The following MAGI2 variants were observed in gnomAD, a reference collection of about 807,000 sequenced individuals.
The protein encoded by MAGI2 is membrane-associated guanylate kinase, WW and PDZ domain-containing protein 2.
A neutral mutation model predicts 133.3 loss-of-function variants in MAGI2; 35 were observed. The ratio of observed to expected loss-of-function variants is 0.26; its 90% CI spans 0.20 to 0.35. The LOEUF (loss-of-function observed/expected upper bound fraction) is 0.35, where lower values mean the gene tolerates loss of function less well. Ranked by LOEUF, MAGI2 falls within the 10% of genes least tolerant of loss-of-function variation. The pLI is 1.00. For missense variants in MAGI2, 1,636 were observed against 1,863.4 expected (o/e 0.88, Z 2.25); for synonymous variants, 729 against 710.6 (o/e 1.03, Z -0.41).
At chr7:79,426,050 A>T (rs372734674) in intron 1 of MAGI2, among the ~76,000 whole-genome samples, 1 of 152,300 alleles carries the variant, frequency 6.6e-6, no homozygotes, top group African/African-American at 2.4e-5. Context: ...CATTATACGT[A>T]TTTGTCTTGA....
At chr7:79,189,745 A>G (rs1267308354) in intron 1 of MAGI2, among the ~76,000 whole-genome samples, 1 of 151,650 alleles carries the variant, frequency 6.6e-6, no homozygotes, top group Non-Finnish European at 1.5e-5. Context: ...GAGTAGTTTC[A>G]CTGCCCTAAA....
chr7:78,288,534 G>T lies in MAGI2; in HGVS notation c.1409-31953C>A, dbSNP rs534199583. ...CAAGTAGGAACAGCTCCAGTCTATA[G>T]CCCCCAGCAGGCGCAATGCAGAAGA... is the stretch of plus-strand genomic sequence containing the variant. On this transcript the variant is annotated intron_variant, in intron 9 of 21. Coordinates refer to ENST00000354212, the MANE Select transcript of MAGI2 (RefSeq NM_012301.4). Among the ~76,000 whole-genome samples the T allele has an allele frequency of 3.9e-5, 6 of 152,286 alleles. No individual in the cohort carries two copies. The East Asian group carries it at 1.2e-3, about 29-fold the overall frequency.
chr7:79,235,695 G>A (rs1056815597), intron 1 of MAGI2, among the ~76,000 whole-genome samples: 1 of 152,184 alleles, frequency 6.6e-6, no homozygotes, highest in Non-Finnish European at 1.5e-5. Context: ...CCACTGTCTG[G>A]CACTCCCTAG....
chr7:79,372,519 T>C (rs1194480395), intron 1 of MAGI2, among the ~76,000 whole-genome samples: 1 of 152,100 alleles, frequency 6.6e-6, no homozygotes, highest in Non-Finnish European at 1.5e-5. Context: ...TTTTTATCTA[T>C]TAGTTGATTG....
chr7:78,994,190 C>T (rs1806066172), intron 2 of MAGI2, among the ~76,000 whole-genome samples: 1 of 151,992 alleles, frequency 6.6e-6, no homozygotes, highest in Non-Finnish European at 1.5e-5. Flanking sequence ...CAGTACAGAG[C>T]CAGCTATGCT....
chr7:78,145,096 A>C (rs1445945403), intron 16 of MAGI2, among the ~76,000 whole-genome samples: 1 of 152,184 alleles, frequency 6.6e-6, no homozygotes, highest in Admixed American at 6.5e-5. Context: ...TAGTGTTTGA[A>C]AATACATTTA....
At chr7:79,071,587 G>A (rs575659327) in intron 1 of MAGI2, among the ~76,000 whole-genome samples, 14 of 151,994 alleles carry the variant, frequency 9.2e-5, no homozygotes, top group South Asian at 4.2e-4. Flanking sequence ...CCAGGGAAAT[G>A]GGGGTTTTAT....
intron 2 of MAGI2, among the ~76,000 whole-genome samples, chr7:78,724,575 C>T (rs1402486757): frequency 6.6e-6 from 1 of 152,112 alleles, no homozygotes; most frequent in Non-Finnish European, 1.5e-5. Context: ...TTGTGGAGTT[C>T]TCTATTCTGG....
chr7:78,373,508 G>A (rs11769134), intron 6 of MAGI2, among the ~76,000 whole-genome samples: 8,209 of 152,000 alleles, frequency 0.054, 322 homozygotes, highest in South Asian at 0.096. Flanking sequence ...GTCTAAAATA[G>A]CATCAAAACG....
intron 3 of MAGI2, among the ~76,000 whole-genome samples, chr7:78,532,098 A>ACTGTGAAC (rs1359926989): frequency 6.6e-6 from 1 of 152,158 alleles, no homozygotes; most frequent in Non-Finnish European, 1.5e-5. Context: ...TCCTTAAATG[A>ACTGTGAAC]CTGTGAACCG....
intron 21 of MAGI2, among the ~76,000 whole-genome samples, chr7:78,063,672 A>G (rs1490472609): frequency 6.6e-6 from 1 of 152,078 alleles, no homozygotes; most frequent in African/African-American, 2.4e-5. Flanking sequence ...GGAAACAAAC[A>G]GGCTTATCTT....
chr7:79,247,977 C>T (rs1294346996), intron 1 of MAGI2, among the ~76,000 whole-genome samples: 1 of 151,820 alleles, frequency 6.6e-6, no homozygotes, highest in African/African-American at 2.4e-5. Context: ...ACAAAACAAC[C>T]AGGACACAAA....
intron 20 of MAGI2, among the ~76,000 whole-genome samples, chr7:78,123,693 T>C (rs1584019288): frequency 6.6e-6 from 1 of 152,230 alleles, no homozygotes; most frequent in Non-Finnish European, 1.5e-5. Context: ...TTAAAATTTA[T>C]AATTGTTTAT....
chr7:78,514,086 CAAAAAAAAAAAAAAAA>C (rs67534111), intron 4 of MAGI2, among the ~76,000 whole-genome samples: 2 of 47,198 alleles, frequency 4.2e-5, no homozygotes, highest in South Asian at 1.1e-3. Context: ...GAAACTGTCT[CAAAAAAAAAAAAAAAA>C]AAAAAAAAAA....
chr7:78,787,628 A>G (rs915690861), intron 2 of MAGI2, among the ~76,000 whole-genome samples: 1 of 152,232 alleles, frequency 6.6e-6, no homozygotes, highest in African/African-American at 2.4e-5. Flanking sequence ...CCATCAAGTT[A>G]ATATTAGCCA....
intron 1 of MAGI2, among the ~76,000 whole-genome samples, chr7:79,161,636 C>T (rs538643588): frequency 6.6e-6 from 1 of 152,166 alleles, no homozygotes; most frequent in African/African-American, 2.4e-5. Context: ...GACAGCTCTC[C>T]TGAGCTGTTT....
At chr7:78,498,356 T>C (rs1794317011) in intron 5 of MAGI2, among the ~76,000 whole-genome samples, 1 of 152,198 alleles carries the variant, frequency 6.6e-6, no homozygotes, top group Non-Finnish European at 1.5e-5. Flanking sequence ...CACTGTCTCG[T>C]ATTCTACAAG....
At chr7:78,123,889 G>A (rs946942635) in intron 20 of MAGI2, among the ~76,000 whole-genome samples, 6 of 152,194 alleles carry the variant, frequency 3.9e-5, no homozygotes, top group Non-Finnish European at 8.8e-5. Flanking sequence ...TTTCTACCAA[G>A]TTTCCAGGTG....
chr7:79,432,930 T>C (rs1847874406), intron 1 of MAGI2, among the ~76,000 whole-genome samples: 1 of 152,192 alleles, frequency 6.6e-6, no homozygotes, highest in South Asian at 2.1e-4. Flanking sequence ...TCTTTATTCT[T>C]GTTCCTCCTC....
Sources: allele counts gnomAD v4.1 joint callset (sites outside exome capture counted in the v4.1 genomes callset), GRCh38; gene constraint gnomAD v4.1.1; transcripts MANE v1.5; gene names NCBI Gene and HGNC (gene_info 2026-07-23, HGNC 2026-07-21).